TLN2: variants seen among roughly 807,000 people sequenced by gnomAD.
TLN2 encodes the protein talin-2.
A neutral mutation model predicts 294.7 loss-of-function variants in TLN2; 118 were observed. The ratio of observed to expected loss-of-function variants is 0.40; its 90% CI spans 0.34 to 0.47. TLN2 has a LOEUF of 0.47. Among genes scored for constraint, TLN2 ranks in the 20% least tolerant of loss-of-function variants. The probability of loss-of-function intolerance (pLI) is 0.84; values close to 1 mark genes in which losing one functional copy is unlikely to be tolerated. For missense variants in TLN2, 3,083 were observed against 3,282.2 expected, an observed-to-expected ratio of 0.94 and a Z score of 1.48; for synonymous variants, 1,431 against 1,304.5, an observed-to-expected ratio of 1.10 and a Z score of -2.09.
In TLN2 at chr15:62,512,981, AC is replaced by A. The variant is rs200511399; in HGVS notation, c.-237-76704del. Among the ~76,000 whole-genome samples, 690 of 152,120 alleles carry A rather than the reference AC, an allele frequency of 4.5e-3. 6 individuals are homozygous for A. Among genetic ancestry groups the A allele is most frequent in the African/African-American group, 0.016 (656 of 41,478 alleles). ...AAATTGCTTCAAGCCTGCTTTCCTG[AC>A]CTCCTGATTCAAGGATTCTAATTTC... is the stretch of plus-strand genomic sequence containing the variant. On this transcript the variant is annotated intron_variant, in intron 1 of 58. Coordinates refer to ENST00000636159, the MANE Select transcript of TLN2 (RefSeq NM_015059.3).
intron 1 of TLN2, among the ~76,000 whole-genome samples, chr15:62,448,289 C>G (rs1275825723): frequency 6.6e-6 from 1 of 152,182 alleles, no homozygotes; most frequent in Non-Finnish European, 1.5e-5. Context: ...CGTATAGCTG[C>G]TCTTGAACAA....
chr15:62,417,382 A>G (rs1360749150), intron 1 of TLN2, among the ~76,000 whole-genome samples: 1 of 152,184 alleles, frequency 6.6e-6, no homozygotes, highest in Non-Finnish European at 1.5e-5. Flanking sequence ...AAGGCTTTAC[A>G]TGCTTTTTAG....
intron 21 of TLN2, among the ~76,000 whole-genome samples, chr15:62,710,548 C>G (rs1343611696): frequency 6.6e-6 from 1 of 152,078 alleles, no homozygotes; most frequent in Non-Finnish European, 1.5e-5. Flanking sequence ...AAAAAAGTTG[C>G]AGAGGAAATA....
At chr15:62,765,385 C>T (rs757926301) in intron 40 of TLN2, among the ~76,000 whole-genome samples, 15 of 151,648 alleles carry the variant, frequency 9.9e-5, no homozygotes, top group Non-Finnish European at 2.1e-4. Flanking sequence ...TTTTTGAGGA[C>T]ACTCTGCCCG....
Position 62,801,729 on chromosome 15 carries a change from TA to T in TLN2, c.6477+962del, listed in dbSNP as rs1288386952. On this transcript the variant is annotated intron_variant, in intron 50 of 58. Transcript: ENST00000636159. ...AGTAACCTAAAAGCTGGTGGTGCCT[TA>T]AGTACCACTGCCTGGCACTTGCCTG... 3.9e-5 allele frequency among the ~76,000 whole-genome samples: 6 copies of T among 152,360 alleles called. No individual in the cohort carries two copies. The East Asian group carries it at 9.6e-4, about 24-fold the overall frequency.
At position 62,414,750 on chromosome 15, in the gene TLN2, G is replaced by A. The variant is rs2033980575; in HGVS notation, c.-238+24065G>A. ...GGTAAATAAAGTTAGATTTCCACTAGTGCTTAGTAATAAATTAATGACAGC... is the reference window on the plus strand; with the variant it reads ...GGTAAATAAAGTTAGATTTCCACTAATGCTTAGTAATAAATTAATGACAGC... On this transcript the variant is annotated intron_variant, in intron 1 of 58. Coordinates refer to ENST00000636159, the MANE Select transcript of TLN2 (RefSeq NM_015059.3). Among the ~76,000 whole-genome samples, 2 of 140,888 alleles carry A rather than the reference G, an allele frequency of 1.4e-5. 1 individual carries two copies. The highest frequency in any genetic ancestry group is 3.0e-5 in the Non-Finnish European group (2 of 65,916). The allele number at this position is 140,888 out of a possible 152,430, so 92.4% of individuals were successfully genotyped here.
At chr15:62,451,467 T>TA (rs1409509232) in intron 1 of TLN2, among the ~76,000 whole-genome samples, 1 of 152,090 alleles carries the variant, frequency 6.6e-6, no homozygotes, top group Non-Finnish European at 1.5e-5. Context: ...CCATCCTGGC[T>TA]AACATGGGTG....
chr15:62,455,210 C>T (rs551639043), intron 1 of TLN2, among the ~76,000 whole-genome samples: 18 of 152,154 alleles, frequency 1.2e-4, no homozygotes, highest in Non-Finnish European at 1.8e-4. Context: ...GTCCCCGACT[C>T]TTCCTGCAGG....
intron 18 of TLN2, 113 bp from the exon 19 acceptor site, chr15:62,702,653 C>A: frequency 2.0e-6 from 2 of 1,005,834 alleles, no homozygotes; most frequent in Non-Finnish European, 1.5e-6. Context: ...GAGATTCTCA[C>A]TGTCAGACAA....
At chr15:62,639,269 C>G (rs2050730421) in intron 3 of TLN2, among the ~76,000 whole-genome samples, 1 of 151,972 alleles carries the variant, frequency 6.6e-6, no homozygotes, top group African/African-American at 2.4e-5. Flanking sequence ...ATGTGTATAT[C>G]TATATCTATC....
intron 1 of TLN2, among the ~76,000 whole-genome samples, chr15:62,479,191 C>A (rs1426722399): frequency 6.6e-6 from 1 of 152,180 alleles, no homozygotes; most frequent in Admixed American, 6.5e-5. Flanking sequence ...GGATTCAAAT[C>A]CCAGCTCTGT....
chr15:62,575,888 T>G (rs2044350120), intron 1 of TLN2, among the ~76,000 whole-genome samples: 2 of 152,236 alleles, frequency 1.3e-5, no homozygotes, highest in African/African-American at 4.8e-5. Flanking sequence ...ATCATGGATT[T>G]GAATATTTTC....
chr15:62,403,202 A>G (rs2033151559), intron 1 of TLN2, among the ~76,000 whole-genome samples: 1 of 151,618 alleles, frequency 6.6e-6, no homozygotes, highest in South Asian at 2.1e-4. Context: ...CGTGTGACAA[A>G]GCGAGACTCC....
At chr15:62,711,779 C>A in intron 21 of TLN2, 132 bp from the exon 22 acceptor site, 2 of 990,908 alleles carry the variant, frequency 2.0e-6, no homozygotes, top group Non-Finnish European at 2.9e-6. Context: ...TGGCTTAGGA[C>A]TAGAGCATGG....
chr15:62,582,219 C>CACACACACACACATACACACACAT (rs56281146), intron 1 of TLN2, among the ~76,000 whole-genome samples: 1 of 135,312 alleles, frequency 7.4e-6, no homozygotes, highest in Non-Finnish European at 1.6e-5. Context: ...CACACACACA[C>CACACACACACACATACACACACAT]ACACACACAC....
intron 42 of TLN2, among the ~76,000 whole-genome samples, chr15:62,772,016 T>C (rs2141051381): frequency 6.6e-6 from 1 of 152,308 alleles, no homozygotes; most frequent in Non-Finnish European, 1.5e-5. Flanking sequence ...TGGTTATGAA[T>C]TCGTGGCCTC....
In TLN2 at chr15:62,652,008, AT is replaced by A; in HGVS notation, c.242del (p.Leu81TrpfsTer19). On this transcript the variant is annotated frameshift_variant, in exon 6 of 59. Coordinates refer to ENST00000636159, the MANE Select transcript of TLN2 (RefSeq NM_015059.3). LOFTEE classifies it high-confidence loss of function. ...LDYYMLRNGD[I>X]LEYKKKQRPQ... ...TTGTATGTGGTTTGTGCTCTAGGAT[AT>A]TTTGGAATATAAAAAGAAACAGAGA... The A allele has an allele frequency of 6.2e-7, 1 of 1,608,890 alleles. No individual in the cohort carries two copies. The highest frequency in any genetic ancestry group is 8.5e-7 in the Non-Finnish European group (1 of 1,176,966).
chr15:62,597,733 TATA>T (rs748549291), intron 2 of TLN2, among the ~76,000 whole-genome samples: 5 of 152,232 alleles, frequency 3.3e-5, no homozygotes, highest in Non-Finnish European at 5.9e-5. Context: ...AATATTTACA[TATA>T]CATAATGAGA....
chr15:62,535,353 G>T (rs1350112349), intron 1 of TLN2, among the ~76,000 whole-genome samples: 2 of 151,964 alleles, frequency 1.3e-5, no homozygotes, highest in African/African-American at 4.8e-5. Context: ...ACCTCCCTAG[G>T]TGATCTATGG....
Sources: gnomAD v4.1 joint callset for allele counts (sites outside exome capture counted in the v4.1 genomes callset) on GRCh38, gnomAD v4.1.1 for gene constraint, MANE v1.5 for transcripts, NCBI Gene and HGNC (gene_info 2026-07-23, HGNC 2026-07-21) for gene names.